SLC25A26: variants seen among roughly 807,000 people sequenced by gnomAD.
The protein encoded by SLC25A26 is mitochondrial S-adenosylmethionine carrier protein.
In SLC25A26, 36 loss-of-function variants were observed where a neutral mutation model predicts 37.8. That is an observed-to-expected ratio of 0.95 (90% confidence interval 0.73 to 1.26). The LOEUF (loss-of-function observed/expected upper bound fraction) is 1.26. SLC25A26 is among the 50% of genes most tolerant of loss of function. SLC25A26 has a pLI of 0.00. For missense variants in SLC25A26, 390 were observed against 331.1 expected (o/e 1.18, Z -1.38); for synonymous variants, 129 against 122.5 (o/e 1.05, Z -0.35).
chr3:66,327,885 A>ATT (rs56004357), intron 5 of SLC25A26, among the ~76,000 whole-genome samples: 42,443 of 146,186 alleles, frequency 0.29, 6,737 homozygotes, highest in East Asian at 0.68. Flanking sequence ...CAAGTAGGGG[A>ATT]TTTTTTTTTT....
intron 5 of SLC25A26, among the ~76,000 whole-genome samples, chr3:66,327,197 A>G (rs1419225457): frequency 6.6e-6 from 1 of 152,166 alleles, no homozygotes; most frequent in Non-Finnish European, 1.5e-5. Flanking sequence ...TTATTTTAGG[A>G]GTTGCTCCAT....
intron 1 of SLC25A26, among the ~76,000 whole-genome samples, chr3:66,189,786 T>G (rs1431260936): frequency 6.6e-6 from 1 of 152,072 alleles, no homozygotes; most frequent in Non-Finnish European, 1.5e-5. Flanking sequence ...CTCAGCCTCC[T>G]GAGTGGCTGG....
At chr3:66,320,504 G>T (rs1266551378) in intron 5 of SLC25A26, among the ~76,000 whole-genome samples, 1 of 152,180 alleles carries the variant, frequency 6.6e-6, no homozygotes, top group Non-Finnish European at 1.5e-5. Context: ...CACCCGGGTT[G>T]TTTCCATCTT....
chr3:66,350,443 C>G (rs782752), intron 6 of SLC25A26, among the ~76,000 whole-genome samples: 11,741 of 152,178 alleles, frequency 0.077, 638 homozygotes, highest in African/African-American at 0.15. Flanking sequence ...TTGTTGACTT[C>G]ACTGTTGGGA....
intron 3 of SLC25A26, among the ~76,000 whole-genome samples, chr3:66,253,134 G>T (rs577988123): frequency 8.6e-5 from 13 of 151,730 alleles, no homozygotes; most frequent in African/African-American, 2.9e-4. Flanking sequence ...GGGGCCGGGC[G>T]CAGTGGCTCA....
chr3:66,236,358 T>C (rs1056154446), intron 1 of SLC25A26, 186 bp from the exon 2 acceptor site: 3 of 155,150 alleles, frequency 1.9e-5, no homozygotes, highest in African/African-American at 7.2e-5. Flanking sequence ...AGCACAATAA[T>C]GGCTATTTTC....
chr3:66,308,876 G>C (rs545400632), intron 5 of SLC25A26, among the ~76,000 whole-genome samples: 1 of 151,018 alleles, frequency 6.6e-6, no homozygotes, highest in Non-Finnish European at 1.5e-5. Flanking sequence ...TGCATCCCAG[G>C]GATGAAGCCT....
chr3:66,197,729 C>T (rs2071063764), intron 1 of SLC25A26, among the ~76,000 whole-genome samples: 1 of 151,870 alleles, frequency 6.6e-6, no homozygotes, highest in East Asian at 1.9e-4. Flanking sequence ...CAGTGTGAGG[C>T]TGAAGGTCAA....
rs1576639232 is a variant in SLC25A26, at chr3:66,209,004, AAAGG to A, written c.-353-11737_-353-11734del. Among the ~76,000 whole-genome samples, 196 of 26,100 alleles carry A rather than the reference AAAGG, an allele frequency of 7.5e-3. 2 individuals carry two copies. Among genetic ancestry groups the A allele is most frequent in the African/African-American group, 0.013 (179 of 13,348 alleles). The allele number at this position is 26,100 out of a possible 152,430, so 17.1% of individuals were successfully genotyped here. ...TATATATATATTTATGTACCCATAT[AAAGG>A]TATATATATATATACACACCCATAT... On this transcript the variant is annotated intron_variant, in intron 1 of 10. Transcript: ENST00000676754.
At chr3:66,369,612 T>G in intron 8 of SLC25A26, 70 bp downstream of exon 8, 1 of 1,327,076 alleles carries the variant, frequency 7.5e-7, no homozygotes. Flanking sequence ...ACTACAGGTG[T>G]ATAAAGTGAA....
chr3:66,253,053 C>T (rs1437401790), intron 3 of SLC25A26, among the ~76,000 whole-genome samples: 1 of 131,518 alleles, frequency 7.6e-6, no homozygotes, highest in Non-Finnish European at 1.6e-5. Flanking sequence ...ATGTCCTAGT[C>T]CCCAAATCTC....
chr3:66,185,808 A>G (rs1426887221), intron 1 of SLC25A26, among the ~76,000 whole-genome samples: 7 of 150,336 alleles, frequency 4.7e-5, no homozygotes, highest in Non-Finnish European at 1.0e-4. Flanking sequence ...CTCTTTGACC[A>G]TGACTTAGAC....
intron 5 of SLC25A26, among the ~76,000 whole-genome samples, chr3:66,274,171 T>C (rs993084675): frequency 6.6e-6 from 1 of 151,328 alleles, no homozygotes; most frequent in Non-Finnish European, 1.5e-5. Flanking sequence ...ATTTAATAAA[T>C]GGTGCTGGGA....
At chr3:66,209,362 T>A (rs949886237) in intron 1 of SLC25A26, among the ~76,000 whole-genome samples, 1 of 140,474 alleles carries the variant, frequency 7.1e-6, no homozygotes, top group Non-Finnish European at 1.5e-5. Flanking sequence ...TATATCTGTA[T>A]GTATATATAT....
At chr3:66,270,382 C>T (rs1336078101) in intron 5 of SLC25A26, among the ~76,000 whole-genome samples, 1 of 152,090 alleles carries the variant, frequency 6.6e-6, no homozygotes, top group African/African-American at 2.4e-5. Flanking sequence ...ACATATTGAA[C>T]CCTATTTTAA....
intron 1 of SLC25A26, among the ~76,000 whole-genome samples, chr3:66,231,899 C>T (rs1480379911): frequency 1.3e-5 from 2 of 151,904 alleles, no homozygotes; most frequent in African/African-American, 4.8e-5. Context: ...AGCCTCCCAG[C>T]AGCTAGGACT....
intron 5 of SLC25A26, among the ~76,000 whole-genome samples, chr3:66,296,320 T>C (rs929828124): frequency 1.3e-5 from 2 of 152,226 alleles, no homozygotes; most frequent in Non-Finnish European, 2.9e-5. Context: ...AAATAACAGA[T>C]GCTTTTCCAT....
At chr3:66,256,731 A>G (rs1479754195) in intron 3 of SLC25A26, among the ~76,000 whole-genome samples, 1 of 152,114 alleles carries the variant, frequency 6.6e-6, no homozygotes, top group Admixed American at 6.5e-5. Context: ...TCCTTTCTCT[A>G]CTAAAAGATG....
At chr3:66,303,410 G>C (rs1421363914) in intron 5 of SLC25A26, among the ~76,000 whole-genome samples, 1 of 152,200 alleles carries the variant, frequency 6.6e-6, no homozygotes, top group Non-Finnish European at 1.5e-5. Context: ...GTGAACCTGG[G>C]GAGGCTAGCT....
Sources: gnomAD v4.1 joint callset for allele counts (sites outside exome capture counted in the v4.1 genomes callset) on GRCh38, gnomAD v4.1.1 for gene constraint, MANE v1.5 for transcripts, NCBI Gene and HGNC (gene_info 2026-07-23, HGNC 2026-07-21) for gene names.